Variants in ATP2A3 observed in about 807,000 individuals in gnomAD.
ATP2A3 encodes sarcoplasmic/endoplasmic reticulum calcium ATPase 3.
Under a neutral mutation model 106.8 loss-of-function variants are expected in ATP2A3, and 61 were observed. The ratio of observed to expected loss-of-function variants is 0.57; its 90% CI spans 0.46 to 0.71. The LOEUF (loss-of-function observed/expected upper bound fraction) is 0.71, where lower values mean the gene tolerates loss of function less well. ATP2A3 is among the 30% of genes least tolerant of loss of function. ATP2A3 has a pLI of 0.00. For missense variants in ATP2A3, 1,201 were observed against 1,423.5 expected, an observed-to-expected ratio of 0.84 and a Z score of 2.52; for synonymous variants, 611 against 609.3, an observed-to-expected ratio of 1.00 and a Z score of -0.04.
intron 1 of ATP2A3, among the ~76,000 whole-genome samples, chr17:3,958,378 A>T (rs2054905471): frequency 6.6e-6 from 1 of 152,158 alleles, no homozygotes; most frequent in South Asian, 2.1e-4. Flanking sequence ...CCTGGAGCAT[A>T]GCAGGTGCTC....
chr17:3,939,297 T>C (rs1193758628), intron 14 of ATP2A3, among the ~76,000 whole-genome samples: 2 of 152,072 alleles, frequency 1.3e-5, no homozygotes, highest in Non-Finnish European at 2.9e-5. Context: ...AGATCAAGGC[T>C]GGGCCATGGG....
At chr17:3,950,018 C>T (rs986091797) in intron 7 of ATP2A3, among the ~76,000 whole-genome samples, 5 of 151,330 alleles carry the variant, frequency 3.3e-5, no homozygotes, top group Middle Eastern at 3.2e-3. Context: ...AAAAATTAGC[C>T]GGGTGTGGTG....
At chr17:3,944,177 G>A (rs897337118) in intron 10 of ATP2A3, among the ~76,000 whole-genome samples, 3 of 152,136 alleles carry the variant, frequency 2.0e-5, no homozygotes, top group Non-Finnish European at 2.9e-5. Context: ...GCCTCCACAC[G>A]GAAGCCTCAG....
Position 3,926,463 on chromosome 17 carries a change from C to A in ATP2A3, c.2981-1022G>T, listed in dbSNP as rs1469862459. On this transcript the variant is annotated intron_variant, in intron 20 of 20. Transcript: ENST00000397041. This position sits in a 1 kb window ranked among gnomAD's most constrained non-coding sequence, Gnocchi z 4.6. The stretch of plus-strand genomic sequence containing the variant: ...TTTCCAAGCCAAACTTCACAGGGAC[C>A]ACCGTCAACATCTCAAGGAGGTGGA... Among the ~76,000 whole-genome samples the A allele has an allele frequency of 6.6e-6, 1 of 152,136 alleles. No individual in the cohort carries two copies. The highest frequency in any genetic ancestry group is 1.5e-5 in the Non-Finnish European group (1 of 68,016).
At position 3,925,081 on chromosome 17, in the gene ATP2A3, TG is replaced by T; in HGVS notation, c.*340del. On this transcript the variant is annotated 3_prime_UTR_variant, in exon 21 of 21. Coordinates refer to ENST00000397041, the MANE Select transcript of ATP2A3 (RefSeq NM_005173.4). This position sits in a 1 kb window ranked among gnomAD's most constrained non-coding sequence, Gnocchi z 4.2. ...GCAAGCTCCAGCTGCACTCGTGATT[TG>T]GGGGTGGGGGGGCCCCGGATCTCTG... 3.9e-6 allele frequency: 2 copies of T among 514,746 alleles called. No individual in the cohort carries two copies. The highest frequency in any genetic ancestry group is 1.9e-5 in the African/African-American group (1 of 51,954). 31.9% of individuals were successfully genotyped at this position (514,746 alleles called of 1,614,324 possible). A position where few individuals can be genotyped will look rare whatever the true frequency, so the allele number is the denominator to read the frequency against.
At chr17:3,935,105 A>G in intron 17 of ATP2A3, 87 bp downstream of exon 17, 1 of 1,364,976 alleles carries the variant, frequency 7.3e-7, no homozygotes, top group Non-Finnish European at 1.0e-6. Flanking sequence ...ACTGCAGGCC[A>G]CCCATGCGGC....
chr17:3,928,622 C>CG lies in ATP2A3; in HGVS notation c.2980+40dup. 1 of 1,497,370 alleles carries CG rather than the reference C, an allele frequency of 6.7e-7. No individual in the cohort carries two copies. Among genetic ancestry groups the CG allele is most frequent in the Non-Finnish European group, 9.1e-7 (1 of 1,099,200 alleles). 92.8% of individuals were successfully genotyped at this position (1,497,370 alleles called of 1,614,324 possible). ...ACTGCAGCCCAGGAGCAGAGGCGGG[C>CG]GGGGAGGCAGGCTGGAGGCGGGACG... On this transcript the variant is annotated intron_variant, in intron 20 of 20. Transcript: ENST00000397041. This position sits in a 1 kb window ranked among gnomAD's most constrained non-coding sequence, Gnocchi z 6.1.
intron 14 of ATP2A3, 79 bp downstream of exon 14, chr17:3,940,892 A>T: frequency 6.8e-7 from 1 of 1,465,156 alleles, no homozygotes; most frequent in East Asian, 2.3e-5. Context: ...GGCAGAGGGG[A>T]GAGTTGCACG....
Position 3,955,890 on chromosome 17 carries a change from T to TA in ATP2A3, c.119-2181_119-2180insT, listed in dbSNP as rs1444791780. Among the ~76,000 whole-genome samples, 1 of 141,926 alleles carries TA rather than the reference T, an allele frequency of 7.0e-6. No individual in the cohort carries two copies. Among genetic ancestry groups the TA allele is most frequent in the Non-Finnish European group, 1.6e-5 (1 of 62,280 alleles). The allele number at this position is 141,926 out of a possible 152,430, so 93.1% of individuals were successfully genotyped here. A position where few individuals can be genotyped will look rare whatever the true frequency, so the allele number is the denominator to read the frequency against. ...TTCTCTTATTTTATTTTATTTTATT[T>TA]TTTTTTTTTGAGATGGAGTCTTGCT... On this transcript the variant is annotated intron_variant, in intron 1 of 20. Coordinates refer to ENST00000397041, the MANE Select transcript of ATP2A3 (RefSeq NM_005173.4). This position sits in a 1 kb window ranked among gnomAD's most constrained non-coding sequence, Gnocchi z 4.2.
At chr17:3,949,809 A>C (rs1391495909) in intron 7 of ATP2A3, among the ~76,000 whole-genome samples, 1 of 152,158 alleles carries the variant, frequency 6.6e-6, no homozygotes, top group African/African-American at 2.4e-5. Flanking sequence ...TATTACTATA[A>C]ATTTGCATGT....
At chr17:3,934,001 G>T (rs577965903) in intron 17 of ATP2A3, among the ~76,000 whole-genome samples, 2 of 150,324 alleles carry the variant, frequency 1.3e-5, no homozygotes, top group Non-Finnish European at 2.9e-5. Flanking sequence ...TCAGCTCACT[G>T]CAACTTCCGC....
At chr17:3,951,057 G>A (rs1351266266) in intron 5 of ATP2A3, among the ~76,000 whole-genome samples, 194 bp downstream of exon 5, 2 of 152,006 alleles carry the variant, frequency 1.3e-5, no homozygotes, top group Non-Finnish European at 2.9e-5. Flanking sequence ...AAAGGAGGAG[G>A]CCCCTACAGA....
chr17:3,946,790 CAT>C (rs748776345), intron 8 of ATP2A3, among the ~76,000 whole-genome samples: 17 of 152,176 alleles, frequency 1.1e-4, no homozygotes, highest in Non-Finnish European at 1.3e-4. Context: ...GTGGGGAACA[CAT>C]AGCCTTCACC....
rs6502757 is a variant in ATP2A3 at position 3,936,822 on chromosome 17, G to A, written c.2322-353C>T. 0.17 allele frequency: 62,768 copies of A among 365,954 alleles called. 5,848 individuals carry two copies. The highest frequency in any genetic ancestry group is 0.22 in the Middle Eastern group (242 of 1,090). The allele number at this position is 365,954 out of a possible 1,614,324, so 22.7% of individuals were successfully genotyped here. ...AACCTAGCACATGCCACACCATCCG[G>A]CAAACACAAGCAAACACCTACATAT... On this transcript the variant is annotated intron_variant, in intron 15 of 20. Coordinates refer to ENST00000397041, the MANE Select transcript of ATP2A3 (RefSeq NM_005173.4). This position sits in a 1 kb window ranked among gnomAD's most constrained non-coding sequence, Gnocchi z 5.4.
At chr17:3,934,017 G>A (rs944988390) in intron 17 of ATP2A3, among the ~76,000 whole-genome samples, 7 of 150,900 alleles carry the variant, frequency 4.6e-5, no homozygotes, top group Non-Finnish European at 7.4e-5. Flanking sequence ...TCCGCCTCTC[G>A]GGTTCAAGCG....
In ATP2A3 at chr17:3,955,464, C is replaced by G. The variant is rs1364421646; in HGVS notation, c.119-1754G>C. Among the ~76,000 whole-genome samples, 1 of 152,188 alleles carries G rather than the reference C, an allele frequency of 6.6e-6. No homozygotes were observed. The highest frequency in any genetic ancestry group is 2.4e-5 in the African/African-American group (1 of 41,434). ...ATTTTCGGCAGTGGCTGACATTTTC[C>G]GTGGAAAATGTAATCTCCAGTGTCC... On this transcript the variant is annotated intron_variant, in intron 1 of 20. Transcript: ENST00000397041. This position sits in a 1 kb window ranked among gnomAD's most constrained non-coding sequence, Gnocchi z 4.2.
chr17:3,941,468 G>A lies in ATP2A3; in HGVS notation c.1732C>T (p.Leu578=), dbSNP rs778813616. 1.9e-6 allele frequency: 3 copies of A among 1,613,748 alleles called. No homozygotes were observed. In the African/African-American group the frequency reaches 4.0e-5, roughly 22 times the overall value. ...DAPPRKEDME[L]DDCSKFVQYE... is the part of the protein sequence containing the mutation. ...TGCACAAACTTGCTGCAGTCGTCCA[G>A]CTCCATGTCCTCCTTCCTTGGGGGC... is the stretch of plus-strand genomic sequence containing the variant. Residue 578 remains leucine, a synonymous_variant, in exon 13 of 21, where the codon CTG becomes TTG. Coordinates refer to ENST00000397041, the MANE Select transcript of ATP2A3 (RefSeq NM_005173.4).
intron 1 of ATP2A3, among the ~76,000 whole-genome samples, chr17:3,960,416 C>T (rs995057996): frequency 7.2e-5 from 11 of 152,242 alleles, no homozygotes; most frequent in Non-Finnish European, 8.8e-5. Context: ...ACATGGGCCG[C>T]GTGTGGCCCG....
chr17:3,934,576 T>C (rs1346466124), intron 17 of ATP2A3, among the ~76,000 whole-genome samples: 1 of 145,312 alleles, frequency 6.9e-6, no homozygotes, highest in African/African-American at 2.6e-5. Context: ...CAGGCTGGAG[T>C]GCAGTGGTAT....
Sources: allele counts gnomAD v4.1 joint callset (sites outside exome capture counted in the v4.1 genomes callset), GRCh38; gene constraint gnomAD v4.1.1; non-coding constraint Gnocchi (gnomAD v3.1); transcripts MANE v1.5; gene names NCBI Gene and HGNC (gene_info 2026-07-23, HGNC 2026-07-21).